The following DNAH5 variants were observed in gnomAD, a reference collection of about 807,000 sequenced individuals.
DNAH5 encodes the protein dynein axonemal heavy chain 5.
Under a neutral mutation model 518.2 loss-of-function variants are expected in DNAH5, and 372 were observed. The observed-to-expected ratio is 0.72, with a 90% confidence interval of 0.66 to 0.78. The LOEUF is 0.78. Ranked by LOEUF, DNAH5 falls within the 30% of genes least tolerant of loss-of-function variation. The pLI is 0.00. For synonymous variants in DNAH5, 2,039 were observed against 2,025.9 expected (o/e 1.01, Z -0.17); for missense variants, 5,523 against 5,687.0 (o/e 0.97, Z 0.93).
chr5:13,918,131 T>C (rs1254109480), intron 7 of DNAH5, among the ~76,000 whole-genome samples: 1 of 152,178 alleles, frequency 6.6e-6, no homozygotes, highest in Non-Finnish European at 1.5e-5. Context: ...ACTTCCAGAA[T>C]TAATTTACAT....
At chr5:13,980,639 C>T (rs1782608469) in intron 1 of DNAH5, among the ~76,000 whole-genome samples, 1 of 152,188 alleles carries the variant, frequency 6.6e-6, no homozygotes, top group African/African-American at 2.4e-5. Flanking sequence ...CTGGGCCACA[C>T]CACCATCATC....
chr5:13,810,466 C>T, intron 44 of DNAH5: 1 of 615,228 alleles, frequency 1.6e-6, no homozygotes, highest in Non-Finnish European at 2.9e-6. Context: ...GTTGGCCGGG[C>T]ACGGTGGCTC....
intron 3 of DNAH5, among the ~76,000 whole-genome samples, chr5:13,926,833 T>A (rs1777921012): frequency 6.6e-6 from 1 of 152,232 alleles, no homozygotes; most frequent in Non-Finnish European, 1.5e-5. Flanking sequence ...ACTTGATCTT[T>A]CATTTGAGCT....
At chr5:13,737,020 A>G (rs1747577019) in intron 66 of DNAH5, among the ~76,000 whole-genome samples, 1 of 152,214 alleles carries the variant, frequency 6.6e-6, no homozygotes, top group Admixed American at 6.5e-5. Flanking sequence ...AGTTCATGAG[A>G]ACCTTAAAGG....
At chr5:13,886,302 G>A (rs1414144007) in intron 17 of DNAH5, among the ~76,000 whole-genome samples, 173 bp from the exon 18 acceptor site, 3 of 152,206 alleles carry the variant, frequency 2.0e-5, no homozygotes, top group Admixed American at 2.0e-4. Context: ...GTCCTCTAAA[G>A]GAATGTGTTT....
intron 78 of DNAH5, among the ~76,000 whole-genome samples, chr5:13,700,101 A>G (rs191668832): frequency 5.3e-5 from 8 of 152,380 alleles, no homozygotes. Context: ...CATTAGCTAC[A>G]GGATTAAACC....
In DNAH5 at chr5:13,883,007, G is replaced by T; in HGVS notation, c.3071C>A (p.Ala1024Asp). 6.2e-7 allele frequency: 1 copy of T among 1,614,174 alleles called. No individual in the cohort carries two copies. The highest frequency in any genetic ancestry group is 8.5e-7 in the Non-Finnish European group (1 of 1,180,022). ...CTGCTGTACATCTTCCAGGGCAGGG[G>T]CCATGACGATGTTGGGAATGGCCAG... ...VTLAIPNIVM[A>D]PALEDVQQTL... The change falls in exon 20 of 79, where the codon GCC (alanine) becomes GAC (aspartate). Residue 1024 changes from alanine to aspartate, a missense_variant. This residue lies in a region of DNAH5 where 5,121 missense variants were observed against 5,223.3 expected (regional missense o/e 0.98). Transcript: ENST00000265104.
At chr5:13,960,200 G>C (rs1178588219) in intron 1 of DNAH5, among the ~76,000 whole-genome samples, 3 of 151,920 alleles carry the variant, frequency 2.0e-5, no homozygotes, top group East Asian at 1.9e-4. Flanking sequence ...AAAAATTGTT[G>C]AGTTAGGTTA....
At chr5:13,797,711 C>G (rs745796468) in intron 47 of DNAH5, among the ~76,000 whole-genome samples, 2 of 152,096 alleles carry the variant, frequency 1.3e-5, no homozygotes, top group African/African-American at 2.4e-5. Flanking sequence ...TGGGCATATA[C>G]CAAAAGGATT....
At chr5:13,787,462 T>A (rs1379367150) in intron 51 of DNAH5, among the ~76,000 whole-genome samples, 1 of 152,176 alleles carries the variant, frequency 6.6e-6, no homozygotes, top group African/African-American at 2.4e-5. Flanking sequence ...AACACAATCA[T>A]GAAGATTGAC....
intron 15 of DNAH5, among the ~76,000 whole-genome samples, chr5:13,896,228 C>A (rs562878548): frequency 6.6e-6 from 1 of 152,192 alleles, no homozygotes; most frequent in East Asian, 2.0e-4. Flanking sequence ...TAATTCAGGG[C>A]TACAAACCTT....
chr5:13,811,460 ATAAG>A (rs1760699997), intron 44 of DNAH5, among the ~76,000 whole-genome samples, 183 bp downstream of exon 44: 2 of 152,240 alleles, frequency 1.3e-5, no homozygotes, highest in Admixed American at 1.3e-4. Flanking sequence ...ATATGAAAAA[ATAAG>A]TATATATGTG....
At chr5:13,984,104 G>A (rs1782868661) in intron 1 of DNAH5, among the ~76,000 whole-genome samples, 1 of 152,136 alleles carries the variant, frequency 6.6e-6, no homozygotes, top group Non-Finnish European at 1.5e-5. Flanking sequence ...GGAGAGGGGG[G>A]CAGAGAAAGA....
At position 13,753,257 on chromosome 5, in the gene DNAH5, A is replaced by T. The variant is rs371211976; in HGVS notation, c.10848T>A (p.Asn3616Lys). 6 of 1,613,766 alleles carry T rather than the reference A, an allele frequency of 3.7e-6. No individual in the cohort carries two copies. The highest frequency in any genetic ancestry group is 5.1e-6 in the Non-Finnish European group (6 of 1,179,834). ...PQTQGKIWIK[N>K]KESRNELQIT... is the part of the protein sequence containing the mutation. ...CCTGGAGTTCATTTCGGCTTTCTTTATTTTTAATCCAGATCTTGCCTTGAG... is the reference window on the plus strand; with the variant it reads ...CCTGGAGTTCATTTCGGCTTTCTTTTTTTTTAATCCAGATCTTGCCTTGAG... The change falls in exon 63 of 79, where the codon AAT becomes AAA. Residue 3616 changes from asparagine to lysine, a missense_variant. Transcript: ENST00000265104.
intron 47 of DNAH5, among the ~76,000 whole-genome samples, chr5:13,798,207 AAAAT>A (rs998371461): frequency 3.3e-5 from 5 of 152,174 alleles, no homozygotes; most frequent in Non-Finnish European, 4.4e-5. Context: ...AAAGTATAAT[AAAAT>A]AAATAAATAA....
At chr5:13,927,538 A>AC (rs142501946) in intron 3 of DNAH5, among the ~76,000 whole-genome samples, 385 of 152,166 alleles carry the variant, frequency 2.5e-3, no homozygotes, top group African/African-American at 8.7e-3. Flanking sequence ...AACAACAACA[A>AC]AAAAAAGATT....
At position 13,892,665 on chromosome 5, in the gene DNAH5, ATACTAGTGTTCT is replaced by A. The variant is rs1469942547; in HGVS notation, c.2432-1556_2432-1545del. Among the ~76,000 whole-genome samples, 4 of 152,310 alleles carry A rather than the reference ATACTAGTGTTCT, an allele frequency of 2.6e-5. No individual in the cohort carries two copies. The East Asian group carries it at 5.8e-4, about 22-fold the overall frequency. On this transcript the variant is annotated intron_variant, in intron 16 of 78. Coordinates refer to ENST00000265104, the MANE Select transcript of DNAH5 (RefSeq NM_001369.3). ...AAACATCCAAATTGTTAATACTTTA[ATACTAGTGTTCT>A]AAAGGAAGGATATTACTAAAGTCTA... is the stretch of plus-strand genomic sequence containing the variant.
chr5:13,747,010 C>G (rs1451845452), intron 65 of DNAH5, among the ~76,000 whole-genome samples: 2 of 151,932 alleles, frequency 1.3e-5, no homozygotes, highest in Non-Finnish European at 2.9e-5. Flanking sequence ...TTTACATTAG[C>G]TATATCTCCT....
intron 1 of DNAH5, among the ~76,000 whole-genome samples, chr5:13,987,780 G>A (rs1783159198): frequency 6.6e-6 from 1 of 152,060 alleles, no homozygotes; most frequent in African/African-American, 2.4e-5. Flanking sequence ...CTTGAACCCA[G>A]GAGGTGGAGA....
Sources: allele counts gnomAD v4.1 joint callset (sites outside exome capture counted in the v4.1 genomes callset), GRCh38; gene constraint gnomAD v4.1.1; regional missense constraint gnomAD v4.1.1; transcripts MANE v1.5; gene names NCBI Gene and HGNC (gene_info 2026-07-23, HGNC 2026-07-21).